Variants in MRPL58 observed in about 807,000 individuals in gnomAD.
MRPL58 encodes the protein large ribosomal subunit protein mL62.
Under a neutral mutation model 26.0 loss-of-function variants are expected in MRPL58, and 17 were observed. The observed-to-expected ratio is 0.65, with a 90% CI of 0.45 to 0.98. The LOEUF is 0.98. Ranked by LOEUF, MRPL58 falls within the 50% of genes least tolerant of loss-of-function variation. The pLI is 0.00. For synonymous variants in MRPL58, 100 were observed against 99.7 expected, an observed-to-expected ratio of 1.00 and a Z score of -0.02; for missense variants, 250 against 269.0, an observed-to-expected ratio of 0.93 and a Z score of 0.49.
chr17:75,019,570 A>C, intron 2 of MRPL58, 130 bp from the exon 3 acceptor site: 1 of 819,074 alleles, frequency 1.2e-6, no homozygotes. Context: ...GTTCCTTGCC[A>C]CCCAAACTTC....
intron 2 of MRPL58, among the ~76,000 whole-genome samples, chr17:75,017,910 C>T (rs71380855): frequency 0.017 from 2,464 of 147,046 alleles, 34 homozygotes; most frequent in Non-Finnish European, 0.027. Flanking sequence ...GGCGACACAG[C>T]GAGACTCTGT....
chr17:75,015,766 T>C (rs991307969), intron 1 of MRPL58, among the ~76,000 whole-genome samples: 4 of 152,118 alleles, frequency 2.6e-5, no homozygotes, highest in Non-Finnish European at 5.9e-5. Flanking sequence ...TTTTTCTTTT[T>C]CTTTTTTCTT....
intron 2 of MRPL58, 123 bp from the exon 3 acceptor site, chr17:75,019,577 C>T (rs2039999655): frequency 6.7e-6 from 6 of 898,164 alleles, no homozygotes; most frequent in South Asian, 4.4e-5. Context: ...GCCACCCAAA[C>T]TTCTTGCAGT....
At position 75,021,028 on chromosome 17, in the gene MRPL58, G is replaced by T; in HGVS notation, c.*23G>T. The T allele has an allele frequency of 6.6e-7, 1 of 1,520,180 alleles. No homozygotes were observed. The highest frequency in any genetic ancestry group is 1.7e-4 in the Middle Eastern group (1 of 5,856). 94.2% of individuals were successfully genotyped at this position (1,520,180 alleles called of 1,614,324 possible). ...TGAAATCACCCTCTGCAGCTGGGAG[G>T]GCTCTTCTGGGCGTCCGGGCAGCTG... On this transcript the variant is annotated 3_prime_UTR_variant, in exon 6 of 6. Coordinates refer to ENST00000301585, the MANE Select transcript of MRPL58 (RefSeq NM_001545.3).
At chr17:75,019,803 G>A in intron 3 of MRPL58, 44 bp downstream of exon 3, 1 of 1,518,510 alleles carries the variant, frequency 6.6e-7, no homozygotes, top group Non-Finnish European at 9.0e-7. Flanking sequence ...AAATGTAGCT[G>A]GGAGATGGGC....
intron 1 of MRPL58, among the ~76,000 whole-genome samples, chr17:75,015,281 C>T (rs1209493889): frequency 6.6e-6 from 1 of 152,122 alleles, no homozygotes; most frequent in Non-Finnish European, 1.5e-5. Context: ...GTCAGGAGTT[C>T]GAGACCAGCC....
chr17:75,020,890 C>G, intron 5 of MRPL58, 31 bp from the exon 6 acceptor site: 2 of 1,557,576 alleles, frequency 1.3e-6, no homozygotes, highest in Non-Finnish European at 1.8e-6. Context: ...GATTGGGCAT[C>G]TGGGGCTAAT....
intron 2 of MRPL58, among the ~76,000 whole-genome samples, chr17:75,018,125 A>G (rs1218671627): frequency 6.8e-6 from 1 of 147,758 alleles, no homozygotes; most frequent in Non-Finnish European, 1.5e-5. Context: ...AGCTCTTGAC[A>G]TTCTCATGAC....
Position 75,020,929 on chromosome 17 carries a change from A to C in MRPL58, c.545A>C (p.Asn182Thr). 6.2e-7 allele frequency: 1 copy of C among 1,613,430 alleles called. No individual in the cohort carries two copies. Among genetic ancestry groups the C allele is most frequent in the Non-Finnish European group, 8.5e-7 (1 of 1,179,408 alleles). ...AGTCTTTTTGTTTTCAGGATAGAAA[A>C]CATGAATCGGGAAAGGCTGAGACAA... is the stretch of plus-strand genomic sequence containing the variant. ...DVKLHRIRIE[N>T]MNRERLRQKR... The change falls in exon 6 of 6, where the codon AAC becomes ACC. Residue 182 changes from asparagine (N) to threonine (T), a missense_variant. Transcript: ENST00000301585.
intron 2 of MRPL58, among the ~76,000 whole-genome samples, 158 bp downstream of exon 2, chr17:75,017,272 C>T (rs1000305013): frequency 3.3e-5 from 5 of 150,910 alleles, no homozygotes; most frequent in African/African-American, 9.8e-5. Flanking sequence ...GCCTGGGCAA[C>T]GAGAGCAAAA....
rs2040000648 is a variant in MRPL58, at chr17:75,019,701, T to C, written c.225T>C (p.Asp75=). The C allele has an allele frequency of 6.2e-7, 1 of 1,613,306 alleles. No homozygotes were observed. Among genetic ancestry groups the C allele is most frequent in the Non-Finnish European group, 8.5e-7 (1 of 1,179,352 alleles). The change falls in exon 3 of 6, where the codon GAT becomes GAC. Residue 75 remains aspartate, a splice_region_variant and synonymous_variant. Transcript: ENST00000301585. ...TGTGTACTTTCTTCTGTTTTACAGATCGCTTGACAATATCTTATTGTCGGA... is the reference window on the plus strand; with the variant it reads ...TGTGTACTTTCTTCTGTTTTACAGACCGCTTGACAATATCTTATTGTCGGA... ...AKQADSDIPL[D]RLTISYCRSS...
chr17:75,016,802 G>A (rs2039977459), intron 1 of MRPL58, among the ~76,000 whole-genome samples: 1 of 152,212 alleles, frequency 6.6e-6, no homozygotes. Context: ...CCTCCCGCTG[G>A]AGCCAGGCCT....
At chr17:75,019,633 A>C (rs2144887556) in intron 2 of MRPL58, 67 bp from the exon 3 acceptor site, 2 of 1,467,338 alleles carry the variant, frequency 1.4e-6, no homozygotes, top group Non-Finnish European at 9.5e-7. Flanking sequence ...TTCCTCAGAC[A>C]CAACAAGACT....
intron 1 of MRPL58, among the ~76,000 whole-genome samples, chr17:75,014,169 A>C (rs982840895): frequency 1.4e-5 from 2 of 146,222 alleles, no homozygotes; most frequent in African/African-American, 2.5e-5. Context: ...GAGGAATTGA[A>C]GTCTGGGGCC....
chr17:75,013,306 T>G (rs1489334870), intron 1 of MRPL58, among the ~76,000 whole-genome samples: 1 of 152,226 alleles, frequency 6.6e-6, no homozygotes, highest in East Asian at 1.9e-4. Context: ...TCCTTCAGGA[T>G]GCATTTATTT....
At chr17:75,015,552 G>A (rs1301999680) in intron 1 of MRPL58, among the ~76,000 whole-genome samples, 1 of 152,076 alleles carries the variant, frequency 6.6e-6, no homozygotes, top group East Asian at 1.9e-4. Flanking sequence ...AGAAAGAGGA[G>A]AGAGAGAGAA....
intron 2 of MRPL58, 92 bp from the exon 3 acceptor site, chr17:75,019,608 A>C: frequency 7.9e-7 from 1 of 1,264,148 alleles, no homozygotes; most frequent in Non-Finnish European, 1.1e-6. Context: ...TTCCCAATAT[A>C]ATACCTTCCC....
intron 3 of MRPL58, 63 bp downstream of exon 3, chr17:75,019,822 C>T: frequency 7.5e-7 from 1 of 1,328,958 alleles, no homozygotes; most frequent in Non-Finnish European, 1.0e-6. Flanking sequence ...GCTTGAGGAG[C>T]TCTGTGTTTG....
At position 75,021,028 on chromosome 17, in the gene MRPL58, G is replaced by C; in HGVS notation, c.*23G>C. 2 of 1,520,180 alleles carry C rather than the reference G, an allele frequency of 1.3e-6. No individual in the cohort carries two copies. Among genetic ancestry groups the C allele is most frequent in the African/African-American group, 1.4e-5 (1 of 73,076 alleles). The allele number at this position is 1,520,180 out of a possible 1,614,324, so 94.2% of individuals were successfully genotyped here. ...TGAAATCACCCTCTGCAGCTGGGAG[G>C]GCTCTTCTGGGCGTCCGGGCAGCTG... On this transcript the variant is annotated 3_prime_UTR_variant, in exon 6 of 6. Transcript: ENST00000301585.
Sources: gnomAD v4.1 joint callset for allele counts (sites outside exome capture counted in the v4.1 genomes callset) on GRCh38, gnomAD v4.1.1 for gene constraint, MANE v1.5 for transcripts, NCBI Gene and HGNC (gene_info 2026-07-23, HGNC 2026-07-21) for gene names.